BACH2: variants seen among roughly 807,000 people sequenced by gnomAD.
BACH2 encodes BACH transcriptional regulator 2, also known as transcription regulator protein BACH2.
Under a neutral mutation model 61.8 loss-of-function variants are expected in BACH2, and 5 were observed. The ratio of observed to expected loss-of-function variants is 0.08; its 90% CI spans 0.04 to 0.17. The LOEUF (loss-of-function observed/expected upper bound fraction) is 0.17. Among genes scored for constraint, BACH2 ranks in the 10% least tolerant of loss-of-function variants. The probability of loss-of-function intolerance (pLI) is 1.00; values close to 1 mark genes in which losing one functional copy is unlikely to be tolerated. For missense variants in BACH2, 824 were observed against 1,091.1 expected (o/e 0.76, Z 3.45); for synonymous variants, 446 against 440.1 (o/e 1.01, Z -0.17).
chr6:90,013,700 G>A (rs1448659744), intron 5 of BACH2, among the ~76,000 whole-genome samples: 1 of 151,826 alleles, frequency 6.6e-6, no homozygotes, highest in Non-Finnish European at 1.5e-5. Flanking sequence ...AGTAGAGACA[G>A]GGTTTCACCA....
chr6:89,984,349 T>C (rs1776121569), intron 6 of BACH2, among the ~76,000 whole-genome samples: 1 of 151,986 alleles, frequency 6.6e-6, no homozygotes, highest in Non-Finnish European at 1.5e-5. Context: ...TTGTAAATTA[T>C]CTAAATTAGT....
intron 4 of BACH2, among the ~76,000 whole-genome samples, chr6:90,140,511 A>G (rs1784426365): frequency 6.6e-6 from 1 of 152,262 alleles, no homozygotes; most frequent in Non-Finnish European, 1.5e-5. Flanking sequence ...ACACAGGGAT[A>G]CTTTCTAATG....
At chr6:90,187,861 G>A (rs1161929698) in intron 4 of BACH2, among the ~76,000 whole-genome samples, 2 of 152,196 alleles carry the variant, frequency 1.3e-5, no homozygotes, top group Non-Finnish European at 2.9e-5. Context: ...GTACATTTTA[G>A]ATAGAGGCTG....
intron 6 of BACH2, among the ~76,000 whole-genome samples, chr6:90,002,903 A>C (rs1351203907): frequency 6.6e-6 from 1 of 152,180 alleles, no homozygotes; most frequent in Admixed American, 6.5e-5. Flanking sequence ...CTAAGCCTGG[A>C]TGTTATCTGT....
chr6:90,238,323 G>T (rs1217481878), intron 3 of BACH2, among the ~76,000 whole-genome samples: 1 of 152,206 alleles, frequency 6.6e-6, no homozygotes, highest in Non-Finnish European at 1.5e-5. Context: ...GACATATTTC[G>T]ATAGTGGTTA....
chr6:90,295,829 C>T (rs1464503651), intron 1 of BACH2, among the ~76,000 whole-genome samples: 1 of 152,124 alleles, frequency 6.6e-6, no homozygotes, highest in Non-Finnish European at 1.5e-5. Context: ...AGGTCTGCGC[C>T]GCGAGGCCCC....
At chr6:90,256,369 T>C (rs1770978972) in intron 2 of BACH2, among the ~76,000 whole-genome samples, 1 of 152,198 alleles carries the variant, frequency 6.6e-6, no homozygotes, top group Non-Finnish European at 1.5e-5. Flanking sequence ...GCCTACTCCA[T>C]AAAAACCTTC....
In BACH2 at chr6:90,157,799, C is replaced by T. The variant is rs138224451; in HGVS notation, c.-162+48770G>A. 5.2e-4 allele frequency among the ~76,000 whole-genome samples: 79 copies of T among 152,218 alleles called. No individual in the cohort carries two copies. In the East Asian group the frequency reaches 0.013, roughly 26 times the overall value. ...TTGAGTGAGCCCCTGGAGATATCCA[C>T]GATGGTCATTTGAAAGGTATTCATT... On this transcript the variant is annotated intron_variant, in intron 4 of 8. Coordinates refer to ENST00000257749, the MANE Select transcript of BACH2 (RefSeq NM_021813.4).
At chr6:89,989,152 C>T (rs913250266) in intron 6 of BACH2, among the ~76,000 whole-genome samples, 2 of 152,212 alleles carry the variant, frequency 1.3e-5, no homozygotes, top group African/African-American at 4.8e-5. Context: ...TATGCTAAGA[C>T]AATCATACTC....
intron 7 of BACH2, among the ~76,000 whole-genome samples, chr6:89,949,246 T>C (rs1413196601): frequency 1.3e-5 from 2 of 152,180 alleles, no homozygotes; most frequent in Non-Finnish European, 2.9e-5. Context: ...TTCCTGTGTT[T>C]TTGGGATACA....
chr6:89,983,525 C>T (rs1282071695), intron 6 of BACH2, among the ~76,000 whole-genome samples: 16 of 152,034 alleles, frequency 1.1e-4, no homozygotes, highest in African/African-American at 3.6e-4. Flanking sequence ...AAAAATTAGC[C>T]GGGTGTGGTG....
rs117222335 is a variant in BACH2, at chr6:90,187,644, C to T, written c.-162+18925G>A. Reference sequence around the variant, plus strand: ...TCCACTCAAACTCATAAAAGCCAGGCTGACAGATTAACTGAAATGCTTATC... The same window carrying T: ...TCCACTCAAACTCATAAAAGCCAGGTTGACAGATTAACTGAAATGCTTATC... On this transcript the variant is annotated intron_variant, in intron 4 of 8. Coordinates refer to ENST00000257749, the MANE Select transcript of BACH2 (RefSeq NM_021813.4). 3.8e-4 allele frequency among the ~76,000 whole-genome samples: 58 copies of T among 152,324 alleles called. No homozygotes were observed. The East Asian group carries it at 0.01, about 27-fold the overall frequency.
intron 4 of BACH2, among the ~76,000 whole-genome samples, chr6:90,146,602 TA>T (rs1213344233): frequency 9.9e-5 from 15 of 152,230 alleles, no homozygotes; most frequent in African/African-American, 3.6e-4. Flanking sequence ...CATACTTAAA[TA>T]GATGACTGGT....
intron 4 of BACH2, among the ~76,000 whole-genome samples, chr6:90,171,143 G>A (rs1247215675): frequency 2.0e-5 from 3 of 152,076 alleles, no homozygotes; most frequent in Admixed American, 2.0e-4. Flanking sequence ...GGGTGCAGTG[G>A]CTCACGCCTG....
intron 3 of BACH2, among the ~76,000 whole-genome samples, chr6:90,227,036 A>G (rs1769939077): frequency 6.6e-6 from 1 of 152,210 alleles, no homozygotes; most frequent in Non-Finnish European, 1.5e-5. Flanking sequence ...TGCAAGAATA[A>G]AAGTTTGAAT....
chr6:90,295,113 T>C (rs1199626694), intron 1 of BACH2, among the ~76,000 whole-genome samples: 2 of 151,006 alleles, frequency 1.3e-5, no homozygotes, highest in African/African-American at 4.9e-5. Flanking sequence ...GCCGGGAGAC[T>C]GCGGGTCCGT....
At chr6:90,127,877 T>C (rs868605092) in intron 4 of BACH2, among the ~76,000 whole-genome samples, 4 of 152,200 alleles carry the variant, frequency 2.6e-5, no homozygotes, top group Admixed American at 6.5e-5. Context: ...CTTCTGGCAA[T>C]TGGAAGTAGC....
intron 4 of BACH2, among the ~76,000 whole-genome samples, chr6:90,155,592 AAAC>A (rs748137703): frequency 1.6e-4 from 25 of 152,308 alleles, no homozygotes; most frequent in African/African-American, 2.6e-4. Context: ...CATTCTGTAA[AAAC>A]AACAACAATA....
chr6:89,965,663 A>G (rs548770842), intron 6 of BACH2, among the ~76,000 whole-genome samples: 1 of 152,334 alleles, frequency 6.6e-6, no homozygotes, highest in South Asian at 2.1e-4. Context: ...AATCCATCAC[A>G]TATTTGAAGA....
Sources: gnomAD v4.1 joint callset for allele counts (sites outside exome capture counted in the v4.1 genomes callset) on GRCh38, gnomAD v4.1.1 for gene constraint, MANE v1.5 for transcripts, NCBI Gene and HGNC (gene_info 2026-07-23, HGNC 2026-07-21) for gene names.